CTTNBP2NL: variants seen among roughly 807,000 people sequenced by gnomAD.
CTTNBP2NL encodes the protein CTTNBP2 N-terminal like.
In CTTNBP2NL, 16 loss-of-function variants were observed where a neutral mutation model predicts 32.5. That is an observed-to-expected ratio of 0.49 (90% confidence interval 0.33 to 0.75). CTTNBP2NL has a LOEUF of 0.75. Ranked by LOEUF, CTTNBP2NL falls within the 30% of genes least tolerant of loss-of-function variation. The pLI is 0.02. For missense variants in CTTNBP2NL, 645 were observed against 756.0 expected (o/e 0.85, Z 1.72); for synonymous variants, 298 against 289.4 (o/e 1.03, Z -0.30).
At chr1:112,450,579 A>G (rs1276416832) in intron 4 of CTTNBP2NL, among the ~76,000 whole-genome samples, 1 of 152,156 alleles carries the variant, frequency 6.6e-6, no homozygotes, top group African/African-American at 2.4e-5. Flanking sequence ...CCATGAGGTG[A>G]CTGAGTTGTG....
intron 1 of CTTNBP2NL, among the ~76,000 whole-genome samples, chr1:112,410,367 G>A (rs1648818016): frequency 6.6e-6 from 1 of 150,846 alleles, no homozygotes; most frequent in Non-Finnish European, 1.5e-5. Context: ...CTCCAGCCTG[G>A]GCAATGAGAG....
At chr1:112,426,260 T>C (rs1315500730) in intron 3 of CTTNBP2NL, among the ~76,000 whole-genome samples, 1 of 152,212 alleles carries the variant, frequency 6.6e-6, no homozygotes, top group Non-Finnish European at 1.5e-5. Context: ...CCTTGTTGTG[T>C]GTCTGAAGTA....
At position 112,420,402 on chromosome 1, in the gene CTTNBP2NL, CAA is replaced by C. The variant is rs559465035; in HGVS notation, c.99+4140_99+4141del. 2.3e-3 allele frequency among the ~76,000 whole-genome samples: 351 copies of C among 151,974 alleles called. 1 individual carries two copies. Among genetic ancestry groups the C allele is most frequent in the South Asian group, 4.2e-3 (20 of 4,792 alleles). On this transcript the variant is annotated intron_variant, in intron 3 of 5. Transcript: ENST00000271277. ...TCCTGATCTACCCACCTCAGCCTCC[CAA>C]AGTGCTGGGATTACATGCGTGAGCC... is the stretch of plus-strand genomic sequence containing the variant.
At chr1:112,400,015 G>C (rs1039052431) in intron 1 of CTTNBP2NL, among the ~76,000 whole-genome samples, 1 of 152,124 alleles carries the variant, frequency 6.6e-6, no homozygotes, top group African/African-American at 2.4e-5. Flanking sequence ...GTTGCAGTGA[G>C]CCGAGATCAC....
At chr1:112,414,333 C>T (rs912838811) in intron 2 of CTTNBP2NL, among the ~76,000 whole-genome samples, 1 of 152,170 alleles carries the variant, frequency 6.6e-6, no homozygotes, top group Non-Finnish European at 1.5e-5. Context: ...CACTGCATTC[C>T]AGCCTGGGCA....
At chr1:112,421,457 C>T (rs527511760) in intron 3 of CTTNBP2NL, among the ~76,000 whole-genome samples, 271 of 151,384 alleles carry the variant, frequency 1.8e-3, no homozygotes, top group Non-Finnish European at 3.2e-3. Flanking sequence ...TGCGCCACCA[C>T]GCCCGGCTAG....
upstream of CTTNBP2NL, among the ~76,000 whole-genome samples, chr1:112,395,771 A>C (rs1430015688): frequency 6.6e-6 from 1 of 152,184 alleles, no homozygotes; most frequent in African/African-American, 2.4e-5. Flanking sequence ...GTTTTTCAAC[A>C]ACGAATTCAT....
At chr1:112,421,973 T>G (rs1326118233) in intron 3 of CTTNBP2NL, among the ~76,000 whole-genome samples, 1 of 152,236 alleles carries the variant, frequency 6.6e-6, no homozygotes, top group Non-Finnish European at 1.5e-5. Flanking sequence ...TAAAACAGCT[T>G]TATTGAAGTA....
chr1:112,405,288 A>C (rs1648626256), intron 1 of CTTNBP2NL, among the ~76,000 whole-genome samples: 1 of 152,102 alleles, frequency 6.6e-6, no homozygotes, highest in African/African-American at 2.4e-5. Flanking sequence ...ACAGATATCC[A>C]GGTAGACAGA....
At chr1:112,406,523 T>G (rs1648673270) in intron 1 of CTTNBP2NL, among the ~76,000 whole-genome samples, 2 of 152,202 alleles carry the variant, frequency 1.3e-5, no homozygotes, top group African/African-American at 4.8e-5. Context: ...ATGAGGAGGA[T>G]GATGATAATG....
At chr1:112,421,785 T>G (rs1425517347) in intron 3 of CTTNBP2NL, among the ~76,000 whole-genome samples, 1 of 152,156 alleles carries the variant, frequency 6.6e-6, no homozygotes. Flanking sequence ...CCCAAAAGCA[T>G]GTATTTTGAG....
intron 3 of CTTNBP2NL, among the ~76,000 whole-genome samples, chr1:112,420,307 G>C (rs1291027519): frequency 6.6e-6 from 1 of 151,898 alleles, no homozygotes; most frequent in Non-Finnish European, 1.5e-5. Context: ...ACCACACCCA[G>C]CTAATTTTTT....
At chr1:112,427,152 C>T (rs1649429066) in intron 3 of CTTNBP2NL, among the ~76,000 whole-genome samples, 1 of 152,110 alleles carries the variant, frequency 6.6e-6, no homozygotes, top group South Asian at 2.1e-4. Context: ...TTATTTGAAA[C>T]AATCTTAAAG....
chr1:112,408,864 C>A (rs1229459597), intron 1 of CTTNBP2NL, among the ~76,000 whole-genome samples: 1 of 152,090 alleles, frequency 6.6e-6, no homozygotes. Flanking sequence ...TGGTGGCTCA[C>A]ACCTATAATC....
intron 3 of CTTNBP2NL, among the ~76,000 whole-genome samples, chr1:112,430,219 TTCTTG>T (rs1158340908): frequency 0.066 from 2,129 of 32,238 alleles, 71 homozygotes; most frequent in African/African-American, 0.1. Context: ...TTCTTTTCTT[TTCTTG>T]TCTTTTCTCT....
chr1:112,454,703 C>G (rs1650314854), intron 5 of CTTNBP2NL, 147 bp downstream of exon 5: 1 of 660,790 alleles, frequency 1.5e-6, no homozygotes, highest in Admixed American at 2.6e-5. Context: ...CAAAGTTAAA[C>G]AGGTTTCTAA....
At chr1:112,399,091 G>A (rs777502598) in intron 1 of CTTNBP2NL, among the ~76,000 whole-genome samples, 15 of 151,744 alleles carry the variant, frequency 9.9e-5, no homozygotes, top group Non-Finnish European at 1.9e-4. Flanking sequence ...AAGCTGAGGC[G>A]GGTGGATCAC....
chr1:112,411,165 T>C (rs1324967647), intron 1 of CTTNBP2NL, among the ~76,000 whole-genome samples: 2 of 152,226 alleles, frequency 1.3e-5, no homozygotes, highest in Admixed American at 1.3e-4. Context: ...GAGAGATCTG[T>C]AATTAGTTTA....
intron 1 of CTTNBP2NL, among the ~76,000 whole-genome samples, chr1:112,402,062 G>A (rs1648520684): frequency 6.6e-6 from 1 of 152,144 alleles, no homozygotes. Context: ...GATTCTTTGT[G>A]CAAAACTGCT....
Sources: allele counts gnomAD v4.1 joint callset (sites outside exome capture counted in the v4.1 genomes callset), GRCh38; gene constraint gnomAD v4.1.1; transcripts MANE v1.5; gene names NCBI Gene and HGNC (gene_info 2026-07-23, HGNC 2026-07-21).